Variants in CREBRF observed in about 807,000 individuals in gnomAD.
CREBRF encodes the protein CREB3 regulatory factor, also known as UPF0474 protein C5orf41.
A neutral mutation model predicts 66.1 loss-of-function variants in CREBRF; 5 were observed. The observed-to-expected ratio is 0.08, with a 90% CI of 0.04 to 0.16. The LOEUF (loss-of-function observed/expected upper bound fraction) is 0.16. CREBRF is among the 10% of genes least tolerant of loss of function. The pLI is 1.00. For missense variants in CREBRF, 531 were observed against 744.9 expected, an observed-to-expected ratio of 0.71 and a Z score of 3.34; for synonymous variants, 229 against 264.4, an observed-to-expected ratio of 0.87 and a Z score of 1.30.
At chr5:173,132,315 G>A (rs931305179) in intron 8 of CREBRF, among the ~76,000 whole-genome samples, 1 of 150,512 alleles carries the variant, frequency 6.6e-6, no homozygotes, top group Non-Finnish European at 1.5e-5. Flanking sequence ...TCAAACTCCT[G>A]ACCTCAGGTG....
At chr5:173,071,088 TTAG>T (rs1324316290) in intron 1 of CREBRF, among the ~76,000 whole-genome samples, 1 of 152,148 alleles carries the variant, frequency 6.6e-6, no homozygotes, top group Admixed American at 6.5e-5. Context: ...CTGGAAGTTC[TTAG>T]TGGAGTAAAG....
intron 6 of CREBRF, among the ~76,000 whole-genome samples, chr5:173,111,975 A>G (rs1561812499): frequency 6.6e-6 from 1 of 152,168 alleles, no homozygotes; most frequent in Non-Finnish European, 1.5e-5. Flanking sequence ...TTATTTTTAA[A>G]TGTGTGCTAA....
chr5:173,118,225 G>A (rs899289457), intron 7 of CREBRF, among the ~76,000 whole-genome samples: 3 of 151,784 alleles, frequency 2.0e-5, no homozygotes, highest in African/African-American at 7.3e-5. Flanking sequence ...GGCCAGGCTG[G>A]TTTCGAACTC....
chr5:173,085,351 C>T, intron 2 of CREBRF: 2 of 1,234,142 alleles, frequency 1.6e-6, no homozygotes, highest in Admixed American at 1.8e-5. Context: ...CAGCACACAC[C>T]TGCGGCTCTT....
chr5:173,073,362 G>T (rs1488222907), intron 1 of CREBRF, among the ~76,000 whole-genome samples: 1 of 152,150 alleles, frequency 6.6e-6, no homozygotes, highest in East Asian at 1.9e-4. Flanking sequence ...CAAAATACTG[G>T]TCCTTGTTAC....
In CREBRF at chr5:173,063,392, G is replaced by A. The variant is rs187990020; in HGVS notation, c.-192+6913G>A. 3.3e-5 allele frequency among the ~76,000 whole-genome samples: 5 copies of A among 152,054 alleles called. No individual in the cohort carries two copies. In the East Asian group the frequency reaches 9.8e-4, roughly 30 times the overall value. On this transcript the variant is annotated intron_variant, in intron 1 of 8. Transcript: ENST00000296953. ...CTTCTTCTCTATTTTTTTTGAGACA[G>A]AGTCTCACGCTGTTGCCCACGCTGG...
At position 173,067,230 on chromosome 5, in the gene CREBRF, G is replaced by T. The variant is rs953416578; in HGVS notation, c.-192+10751G>T. Among the ~76,000 whole-genome samples the T allele has an allele frequency of 2.0e-5, 3 of 152,178 alleles. No individual in the cohort carries two copies. In the South Asian group the frequency reaches 6.2e-4, roughly 32 times the overall value. ...GATTTTAGGCTATTATAAATAAAAT[G>T]GCTTTAAATATTCATGTACAAGTCT... On this transcript the variant is annotated intron_variant, in intron 1 of 8. Transcript: ENST00000296953.
At chr5:173,082,014 T>TTTTTTTTTTTGTTTTTTG (rs1757966183) in intron 2 of CREBRF, among the ~76,000 whole-genome samples, 1 of 113,784 alleles carries the variant, frequency 8.8e-6, no homozygotes, top group African/African-American at 3.3e-5. Flanking sequence ...TTTTTTTTTT[T>TTTTTTTTTTTGTTTTTTG]TTTTTTTTTT....
At position 173,136,057 on chromosome 5, in the gene CREBRF, A is replaced by C. The variant is rs1759582747; in HGVS notation, c.*2312A>C. The stretch of plus-strand genomic sequence containing the variant: ...TTGACAGAGTGTGTCTGGTAAATTG[A>C]AAAGTGTTTCAAACTATGGCAGTTT... On this transcript the variant is annotated 3_prime_UTR_variant, in exon 9 of 9. Coordinates refer to ENST00000296953, the MANE Select transcript of CREBRF (RefSeq NM_153607.3). 6.6e-6 allele frequency: 1 copy of C among 152,472 alleles called. No individual in the cohort carries two copies. Among genetic ancestry groups the C allele is most frequent in the Non-Finnish European group, 1.5e-5 (1 of 67,944 alleles). The allele number at this position is 152,472 out of a possible 1,614,324, so 9.4% of individuals were successfully genotyped here.
intron 8 of CREBRF, among the ~76,000 whole-genome samples, chr5:173,128,721 T>C (rs1326157986): frequency 6.6e-6 from 1 of 152,158 alleles, no homozygotes; most frequent in Non-Finnish European, 1.5e-5. Flanking sequence ...TATATTTGTT[T>C]GGTATTCCTT....
At chr5:173,075,689 C>T (rs1346552707) in intron 1 of CREBRF, among the ~76,000 whole-genome samples, 3 of 151,954 alleles carry the variant, frequency 2.0e-5, no homozygotes, top group South Asian at 2.1e-4. Context: ...TTTCAGTCAC[C>T]GAGGTTGCCT....
chr5:173,064,552 C>T (rs1757375834), intron 1 of CREBRF, among the ~76,000 whole-genome samples: 1 of 150,480 alleles, frequency 6.6e-6, no homozygotes, highest in Non-Finnish European at 1.5e-5. Flanking sequence ...ACCACCACAC[C>T]TGGTTAATTT....
chr5:173,075,720 T>C (rs1757740784), intron 1 of CREBRF, among the ~76,000 whole-genome samples: 1 of 152,008 alleles, frequency 6.6e-6, no homozygotes, highest in Non-Finnish European at 1.5e-5. Flanking sequence ...CCTCCCTGTT[T>C]CGTTGCCTCC....
At chr5:173,099,393 T>G (rs1389219920) in intron 4 of CREBRF, among the ~76,000 whole-genome samples, 2 of 152,172 alleles carry the variant, frequency 1.3e-5, no homozygotes, top group Admixed American at 6.5e-5. Context: ...TGGGCTCAAG[T>G]GACCTGCCTG....
chr5:173,121,706 G>A (rs166122), intron 7 of CREBRF, among the ~76,000 whole-genome samples: 73,976 of 151,958 alleles, frequency 0.49, 19,144 homozygotes, highest in Non-Finnish European at 0.58. Flanking sequence ...TGAGGGACTT[G>A]GTTTGATTTA....
intron 4 of CREBRF, among the ~76,000 whole-genome samples, chr5:173,102,553 G>A (rs1237302759): frequency 1.3e-5 from 2 of 152,160 alleles, no homozygotes; most frequent in Non-Finnish European, 2.9e-5. Flanking sequence ...AGCAGGCCTG[G>A]AGCCTGGATC....
In CREBRF at chr5:173,091,311, G is replaced by C; in HGVS notation, c.1132G>C (p.Glu378Gln). The change falls in exon 4 of 9, where the codon GAA (glutamate) becomes CAA (glutamine). Residue 378 changes from glutamate (E) to glutamine (Q), a missense_variant. Physicochemically the swap from Glu to Gln is conservative, Grantham distance 29 (BLOSUM62 2). This residue lies in a region of CREBRF where 309 missense variants were observed against 341.4 expected (regional missense o/e 0.90). Coordinates refer to ENST00000296953, the MANE Select transcript of CREBRF (RefSeq NM_153607.3). ...DHDEGFGSEH[E>Q]LSENEEEEEE... ...TGATGAAGGATTCGGCAGTGAGCAT[G>C]AACTGTCTGAAAATGAGGAGGAGGA... is the stretch of plus-strand genomic sequence containing the variant. 6.2e-7 allele frequency: 1 copy of C among 1,613,196 alleles called. No homozygotes were observed. Among genetic ancestry groups the C allele is most frequent in the Non-Finnish European group, 8.5e-7 (1 of 1,179,472 alleles).
At chr5:173,093,491 CTT>C (rs1357923042) in intron 4 of CREBRF, among the ~76,000 whole-genome samples, 1 of 152,310 alleles carries the variant, frequency 6.6e-6, no homozygotes, top group Admixed American at 6.5e-5. Context: ...GATCTACTCT[CTT>C]AACAAATTTG....
intron 8 of CREBRF, among the ~76,000 whole-genome samples, chr5:173,127,419 T>C (rs960804171): frequency 6.6e-6 from 1 of 150,858 alleles, no homozygotes; most frequent in Non-Finnish European, 1.5e-5. Flanking sequence ...CAAAGTGCTA[T>C]AGTCATGAGC....
Sources: gnomAD v4.1 joint callset for allele counts (sites outside exome capture counted in the v4.1 genomes callset) on GRCh38, gnomAD v4.1.1 for gene constraint, gnomAD v4.1.1 regional missense constraint, MANE v1.5 for transcripts, NCBI Gene and HGNC (gene_info 2026-07-23, HGNC 2026-07-21) for gene names.